Variants in NDUFAF6 observed in about 807,000 individuals in gnomAD.
The protein encoded by NDUFAF6 is NADH:ubiquinone oxidoreductase complex assembly factor 6, also known as NADH dehydrogenase (ubiquinone) complex I, assembly factor 6.
NDUFAF6 carries 45 observed loss-of-function variants against 40.8 expected under a neutral mutation model. That is an observed-to-expected ratio of 1.10 (90% CI 0.87 to 1.42). The LOEUF is 1.42. Among genes scored for constraint, NDUFAF6 ranks in the 40% most tolerant of loss-of-function variants. The pLI, the probability that NDUFAF6 is intolerant of heterozygous loss-of-function variation, is 0.00. For synonymous variants in NDUFAF6, 185 were observed against 155.9 expected, an observed-to-expected ratio of 1.19 and a Z score of -1.39; for missense variants, 435 against 418.5, an observed-to-expected ratio of 1.04 and a Z score of -0.34.
At chr8:95,015,025 A>C (rs768505782) in intron 2 of NDUFAF6, among the ~76,000 whole-genome samples, 1 of 152,166 alleles carries the variant, frequency 6.6e-6, no homozygotes, top group Non-Finnish European at 1.5e-5. Context: ...ATTTCTAGAG[A>C]TAGTACTCTA....
chr8:95,023,235 A>G (rs1827768742), upstream of NDUFAF6: 1 of 152,190 alleles, frequency 6.6e-6, no homozygotes, highest in Non-Finnish European at 1.5e-5. Flanking sequence ...AGATCAGGGA[A>G]ATATGCACTG....
chr8:94,986,609 G>A (rs1403126333), intron 2 of NDUFAF6, among the ~76,000 whole-genome samples: 2 of 152,156 alleles, frequency 1.3e-5, no homozygotes, highest in South Asian at 2.1e-4. Context: ...AAGCCACTAA[G>A]TCTAATAAAA....
chr8:95,063,410 C>G (rs1832619241), downstream of NDUFAF6, among the ~76,000 whole-genome samples: 1 of 152,092 alleles, frequency 6.6e-6, no homozygotes, highest in South Asian at 2.1e-4. Context: ...ACCAGCCTGG[C>G]CAACACGATG....
upstream of NDUFAF6, among the ~76,000 whole-genome samples, chr8:94,953,798 G>A (rs372621218): frequency 3.4e-4 from 31 of 90,346 alleles, no homozygotes; most frequent in African/African-American, 1.0e-3. Context: ...AGGAAAACTC[G>A]TTTATTGGAT....
upstream of NDUFAF6, among the ~76,000 whole-genome samples, chr8:95,098,362 G>A (rs1029505565): frequency 6.0e-5 from 9 of 151,182 alleles, no homozygotes; most frequent in Admixed American, 1.3e-4. Context: ...GTGAAACCTC[G>A]TCTCTACTAA....
intron 2 of NDUFAF6, among the ~76,000 whole-genome samples, chr8:94,948,179 T>C (rs1252176232): frequency 6.6e-6 from 1 of 152,084 alleles, no homozygotes; most frequent in Non-Finnish European, 1.5e-5. Flanking sequence ...AATCAGAAAA[T>C]ACAAGCAAAA....
intron 5 of NDUFAF6, among the ~76,000 whole-genome samples, chr8:95,116,002 G>C (rs1246206508): frequency 6.6e-6 from 1 of 152,116 alleles, no homozygotes; most frequent in Non-Finnish European, 1.5e-5. Context: ...GCCGGGGGTG[G>C]TGGCACGTGT....
intron 2 of NDUFAF6, among the ~76,000 whole-genome samples, chr8:95,089,458 G>GTATA (rs34540757): frequency 0.035 from 4,365 of 125,740 alleles, 149 homozygotes; most frequent in African/African-American, 0.11. Flanking sequence ...AGTGTAAACT[G>GTATA]TGTGTATATA....
chr8:95,062,945 A>G (rs1832607469), downstream of NDUFAF6, among the ~76,000 whole-genome samples: 1 of 152,212 alleles, frequency 6.6e-6, no homozygotes, highest in African/African-American at 2.4e-5. Flanking sequence ...GATATGAGAA[A>G]GATGGAACTG....
At chr8:95,071,257 G>C (rs2132033381) in intron 9 of NDUFAF6, among the ~76,000 whole-genome samples, 1 of 151,558 alleles carries the variant, frequency 6.6e-6, no homozygotes, top group East Asian at 1.9e-4. Flanking sequence ...AATTAGCCGG[G>C]CATTGTGGCG....
At chr8:95,069,566 G>A (rs554113801) in intron 9 of NDUFAF6, among the ~76,000 whole-genome samples, 3 of 151,404 alleles carry the variant, frequency 2.0e-5, no homozygotes, top group Admixed American at 1.3e-4. Flanking sequence ...GATTACCTGA[G>A]GTCAGGAGTT....
chr8:94,914,244 T>C (rs1023729234), intron 1 of NDUFAF6, among the ~76,000 whole-genome samples: 2 of 152,128 alleles, frequency 1.3e-5, no homozygotes, highest in African/African-American at 2.4e-5. Context: ...GTAGTCTTCT[T>C]ATTAGTGAAA....
At chr8:94,967,283 G>A (rs554508764) in intron 1 of NDUFAF6, among the ~76,000 whole-genome samples, 1 of 152,304 alleles carries the variant, frequency 6.6e-6, no homozygotes, top group South Asian at 2.1e-4. Context: ...TCTTGGATAT[G>A]CCCCTCTGTG....
intron 1 of NDUFAF6, among the ~76,000 whole-genome samples, chr8:94,904,686 G>A (rs1818275442): frequency 6.6e-6 from 1 of 151,622 alleles, no homozygotes; most frequent in African/African-American, 2.4e-5. Flanking sequence ...TTGTTTGTTT[G>A]TTTGTTTTTT....
intron 5 of NDUFAF6, among the ~76,000 whole-genome samples, chr8:95,116,069 C>G (rs1395971563): frequency 6.6e-6 from 1 of 151,920 alleles, no homozygotes; most frequent in African/African-American, 2.4e-5. Context: ...ACCGGGGAGG[C>G]GGAGGTTGCA....
downstream of NDUFAF6, chr8:95,078,662 A>AAAATATATATATATAT (rs545018367): frequency 5.8e-5 from 7 of 121,040 alleles, no homozygotes; most frequent in African/African-American, 2.3e-4. Context: ...AAAAAAAAAA[A>AAAATATATATATATAT]ATATATATAT....
At chr8:94,898,430 A>T (rs1055525009) in intron 1 of NDUFAF6, among the ~76,000 whole-genome samples, 7 of 152,228 alleles carry the variant, frequency 4.6e-5, no homozygotes, top group Non-Finnish European at 1.0e-4. Flanking sequence ...CCATGCGACA[A>T]AAACATCAGA....
At chr8:95,087,162 C>T (rs79830227) in intron 2 of NDUFAF6, among the ~76,000 whole-genome samples, 2 of 152,058 alleles carry the variant, frequency 1.3e-5, no homozygotes, top group African/African-American at 4.8e-5. Context: ...CACACACAGG[C>T]GCTCTCATTC....
rs143644610 is a variant in NDUFAF6, at chr8:94,948,444, G to C, written c.-799+2825G>C. Among the ~76,000 whole-genome samples, 1,024 of 152,328 alleles carry C rather than the reference G, an allele frequency of 6.7e-3. 9 individuals carry two copies. Among genetic ancestry groups the C allele is most frequent in the African/African-American group, 0.023 (940 of 41,572 alleles). On this transcript the variant is annotated intron_variant, in intron 2 of 14. Transcript: ENST00000396113. ...GATCCAAAGGATCTAAATGTTAAGG[G>C]CCAAGGAGAGCGCTCTTTCCACAGG...
Sources: gnomAD v4.1 joint callset for allele counts (sites outside exome capture counted in the v4.1 genomes callset) on GRCh38, gnomAD v4.1.1 for gene constraint, MANE v1.5 for transcripts, NCBI Gene and HGNC (gene_info 2026-07-23, HGNC 2026-07-21) for gene names.